The following COX7B2 variants were observed in gnomAD, a reference collection of about 807,000 sequenced individuals.
COX7B2 encodes the protein cytochrome c oxidase subunit 7B2, also known as cytochrome c oxidase subunit 7B2, mitochondrial.
For missense variants in COX7B2, 109 were observed against 95.9 expected, an observed-to-expected ratio of 1.14 and a Z score of -0.57; for synonymous variants, 37 against 32.1, an observed-to-expected ratio of 1.15 and a Z score of -0.51.
intron 1 of COX7B2, among the ~76,000 whole-genome samples, chr4:46,882,499 AG>A (rs368455523): frequency 2.5e-3 from 376 of 152,324 alleles, no homozygotes; most frequent in African/African-American, 8.5e-3. Flanking sequence ...ATACATATTT[AG>A]CATAGTTAGG....
intron 2 of COX7B2, among the ~76,000 whole-genome samples, chr4:46,759,274 A>G (rs1715985243): frequency 6.6e-6 from 1 of 152,160 alleles, no homozygotes; most frequent in Non-Finnish European, 1.5e-5. Context: ...AGTCCTTCAG[A>G]TAATGTAATT....
intron 1 of COX7B2, among the ~76,000 whole-genome samples, chr4:46,892,627 A>T (rs764910429): frequency 2.9e-4 from 44 of 152,210 alleles, no homozygotes; most frequent in Non-Finnish European, 5.4e-4. Context: ...ATAAACTTCC[A>T]TAATCAGAAA....
At chr4:46,867,703 A>G (rs757610827) in intron 1 of COX7B2, among the ~76,000 whole-genome samples, 6 of 152,222 alleles carry the variant, frequency 3.9e-5, no homozygotes, top group Admixed American at 1.3e-4. Context: ...TGCTGAACCA[A>G]CATTGCATCC....
At chr4:46,745,076 T>A (rs1262282779) in intron 2 of COX7B2, among the ~76,000 whole-genome samples, 1 of 152,158 alleles carries the variant, frequency 6.6e-6, no homozygotes, top group African/African-American at 2.4e-5. Flanking sequence ...TGTTTCCATT[T>A]TGCATTAAAA....
chr4:46,905,801 T>C (rs1195820074), intron 1 of COX7B2, among the ~76,000 whole-genome samples: 1 of 141,870 alleles, frequency 7.0e-6, no homozygotes. Context: ...CCATCTCTGA[T>C]AAGCATATAT....
rs538638442 is a variant in COX7B2, at chr4:46,828,015, G to A, written c.-50+16945C>T. Among the ~76,000 whole-genome samples the A allele has an allele frequency of 1.6e-3, 243 of 152,130 alleles. 1 individual carries two copies. The highest frequency in any genetic ancestry group is 2.9e-3 in the Non-Finnish European group (199 of 67,964). ...TTTCTATATGTTGTTTGCGGTGGAG[G>A]GCACACAGATGTATGCACTTGTCAA... On this transcript the variant is annotated intron_variant, in intron 2 of 2. Transcript: ENST00000355591.
At chr4:46,873,754 T>C (rs979068896) in intron 1 of COX7B2, among the ~76,000 whole-genome samples, 41 of 152,164 alleles carry the variant, frequency 2.7e-4, no homozygotes, top group African/African-American at 7.5e-4. Flanking sequence ...ATGTGCCATG[T>C]TGGTGTGCTG....
At chr4:46,772,415 T>G (rs543787943) in intron 2 of COX7B2, among the ~76,000 whole-genome samples, 2 of 152,240 alleles carry the variant, frequency 1.3e-5, no homozygotes, top group East Asian at 1.9e-4. Flanking sequence ...TGCTCGAAAT[T>G]TGCTGAGAGT....
chr4:46,771,039 G>A (rs1459899890), intron 2 of COX7B2, among the ~76,000 whole-genome samples: 4 of 152,028 alleles, frequency 2.6e-5, no homozygotes, highest in African/African-American at 9.7e-5. Flanking sequence ...TTTAAGAAAT[G>A]AGAGAAAATA....
chr4:46,744,102 C>T (rs968712959), intron 2 of COX7B2, among the ~76,000 whole-genome samples: 21 of 151,990 alleles, frequency 1.4e-4, no homozygotes, highest in African/African-American at 5.1e-4. Context: ...ACCCAATGGT[C>T]CCATAGTTTT....
At chr4:46,814,959 G>A (rs1719473423) in intron 2 of COX7B2, among the ~76,000 whole-genome samples, 1 of 152,044 alleles carries the variant, frequency 6.6e-6, no homozygotes, top group Admixed American at 6.6e-5. Flanking sequence ...GCCGAAGTGG[G>A]CGAATCACTT....
intron 2 of COX7B2, among the ~76,000 whole-genome samples, chr4:46,812,325 A>G (rs1181839871): frequency 6.6e-6 from 1 of 151,830 alleles, no homozygotes; most frequent in African/African-American, 2.4e-5. Flanking sequence ...GGATGTAGCT[A>G]TGGTTCTGAC....
intron 2 of COX7B2, among the ~76,000 whole-genome samples, chr4:46,777,231 A>C (rs567209033): frequency 5.9e-5 from 9 of 152,274 alleles, no homozygotes; most frequent in Non-Finnish European, 7.4e-5. Flanking sequence ...ATGAGATAAA[A>C]GGGGAGTAAA....
chr4:46,802,389 G>A lies in COX7B2; in HGVS notation c.-50+42571C>T, dbSNP rs1718703243. ...GTCTCTTTTGATATGGCAAGAACTT[G>A]CTTATTTAGCTAGTTTCTATGACTT... is the stretch of plus-strand genomic sequence containing the variant. On this transcript the variant is annotated intron_variant, in intron 2 of 2. Coordinates refer to ENST00000355591, the MANE Select transcript of COX7B2 (RefSeq NM_130902.3). Among the ~76,000 whole-genome samples the A allele has an allele frequency of 2.0e-5, 3 of 152,118 alleles. No homozygotes were observed. The South Asian group carries it at 6.2e-4, about 32-fold the overall frequency.
intron 2 of COX7B2, among the ~76,000 whole-genome samples, chr4:46,760,560 A>T (rs976766230): frequency 6.6e-6 from 1 of 152,036 alleles, no homozygotes; most frequent in Admixed American, 6.6e-5. Flanking sequence ...GCTGGTCATG[A>T]AATGGGGGTC....
chr4:46,735,630 C>T (rs757005263), intron 2 of COX7B2, among the ~76,000 whole-genome samples: 2 of 152,058 alleles, frequency 1.3e-5, no homozygotes, highest in Non-Finnish European at 2.9e-5. Flanking sequence ...TCGTTTTCTC[C>T]CTCCTGCTTA....
chr4:46,782,814 A>G (rs1717553388), intron 2 of COX7B2, among the ~76,000 whole-genome samples: 1 of 152,168 alleles, frequency 6.6e-6, no homozygotes, highest in Non-Finnish European at 1.5e-5. Flanking sequence ...TCACTACTGA[A>G]GTCAGCGAGA....
At chr4:46,765,139 C>G (rs1716449102) in intron 2 of COX7B2, among the ~76,000 whole-genome samples, 1 of 151,780 alleles carries the variant, frequency 6.6e-6, no homozygotes, top group African/African-American at 2.4e-5. Flanking sequence ...TCAATTTGAA[C>G]AATCATCCAT....
intron 2 of COX7B2, among the ~76,000 whole-genome samples, chr4:46,834,552 G>A (rs1335983321): frequency 6.6e-6 from 1 of 152,042 alleles, no homozygotes; most frequent in Non-Finnish European, 1.5e-5. Flanking sequence ...GGGCAACTAA[G>A]TTACCATTCA....
Sources: allele counts gnomAD v4.1 joint callset (sites outside exome capture counted in the v4.1 genomes callset), GRCh38; gene constraint gnomAD v4.1.1; transcripts MANE v1.5; gene names NCBI Gene and HGNC (gene_info 2026-07-23, HGNC 2026-07-21).